The following SNAP25 variants were observed in gnomAD, a reference collection of about 807,000 sequenced individuals.
SNAP25 encodes synaptosome associated protein 25, also known as synaptosomal-associated protein 25.
SNAP25 carries 3 observed loss-of-function variants against 28.7 expected under a neutral mutation model. The ratio of observed to expected loss-of-function variants is 0.10; its 90% CI spans 0.05 to 0.27. The LOEUF is 0.27. Ranked by LOEUF, SNAP25 falls within the 10% of genes least tolerant of loss-of-function variation. The pLI, the probability that SNAP25 is intolerant of heterozygous loss-of-function variation, is 1.00. For missense variants in SNAP25, 117 were observed against 278.7 expected, an observed-to-expected ratio of 0.42 and a Z score of 4.13; for synonymous variants, 61 against 88.1, an observed-to-expected ratio of 0.69 and a Z score of 1.72.
chr20:10,221,541 C>T (rs1043882452), intron 1 of SNAP25, among the ~76,000 whole-genome samples: 1 of 152,108 alleles, frequency 6.6e-6, no homozygotes, highest in Admixed American at 6.5e-5. Flanking sequence ...CACACAGACC[C>T]TCTGATGCCT....
chr20:10,294,874 C>T (rs2064076634), intron 5 of SNAP25, among the ~76,000 whole-genome samples: 1 of 152,050 alleles, frequency 6.6e-6, no homozygotes, highest in Non-Finnish European at 1.5e-5. Flanking sequence ...CAACTTGCCC[C>T]CAGGTGAGAT....
At chr20:10,256,207 C>T (rs1456517239) in intron 1 of SNAP25, among the ~76,000 whole-genome samples, 3 of 152,162 alleles carry the variant, frequency 2.0e-5, no homozygotes, top group Non-Finnish European at 4.4e-5. Context: ...TGTACTTAAA[C>T]TAGTTTGTTA....
chr20:10,253,101 A>G (rs565238548), intron 1 of SNAP25, among the ~76,000 whole-genome samples: 107 of 152,306 alleles, frequency 7.0e-4, no homozygotes, highest in Non-Finnish European at 1.3e-3. Context: ...TGAATGAGAG[A>G]CGATGAGACA....
intron 3 of SNAP25, among the ~76,000 whole-genome samples, chr20:10,282,627 C>T (rs2063801526): frequency 6.6e-6 from 1 of 152,158 alleles, no homozygotes; most frequent in Non-Finnish European, 1.5e-5. Context: ...GCTGGACTGA[C>T]CAAACTAAAA....
At position 10,219,256 on chromosome 20, in the gene SNAP25, G is replaced by C. The variant is rs186959762; in HGVS notation, c.-64+279G>C. On this transcript the variant is annotated intron_variant, in intron 1 of 7. Transcript: ENST00000254976. ...ACTTACTCTTTTGAAACAGTAGTGG[G>C]ACCCCCTCTTTCTTCCATTTTGCGA... 4 of 152,342 alleles carry C rather than the reference G, an allele frequency of 2.6e-5. No individual in the cohort carries two copies. In the East Asian group the frequency reaches 7.7e-4, roughly 29 times the overall value. The allele number at this position is 152,342 out of a possible 1,614,324, so 9.4% of individuals were successfully genotyped here.
At chr20:10,283,328 G>A (rs1463412269) in intron 3 of SNAP25, among the ~76,000 whole-genome samples, 2 of 152,202 alleles carry the variant, frequency 1.3e-5, no homozygotes, top group Admixed American at 6.5e-5. Flanking sequence ...AGAACAGTCA[G>A]GACACTTGCC....
intron 1 of SNAP25, among the ~76,000 whole-genome samples, chr20:10,248,441 C>T (rs2063167782): frequency 6.6e-6 from 1 of 152,104 alleles, no homozygotes; most frequent in South Asian, 2.1e-4. Context: ...ATCTCATGTG[C>T]AGAGGCAATA....
At chr20:10,232,484 G>T (rs928955532) in intron 1 of SNAP25, among the ~76,000 whole-genome samples, 1 of 152,174 alleles carries the variant, frequency 6.6e-6, no homozygotes, top group African/African-American at 2.4e-5. Context: ...CTGCTGCTTT[G>T]GAAGAATAAA....
At chr20:10,282,071 G>A (rs2063786409) in intron 3 of SNAP25, among the ~76,000 whole-genome samples, 1 of 151,978 alleles carries the variant, frequency 6.6e-6, no homozygotes. Flanking sequence ...CATTTGAGAG[G>A]TCATGCATTT....
At chr20:10,283,062 G>A (rs1343537972) in intron 3 of SNAP25, among the ~76,000 whole-genome samples, 1 of 152,182 alleles carries the variant, frequency 6.6e-6, no homozygotes, top group Non-Finnish European at 1.5e-5. Context: ...TGATTCATGT[G>A]CAGAGGATTC....
chr20:10,229,385 CA>C (rs1241167120), intron 1 of SNAP25, among the ~76,000 whole-genome samples: 1 of 152,052 alleles, frequency 6.6e-6, no homozygotes, highest in Non-Finnish European at 1.5e-5. Flanking sequence ...GCCTTGAATA[CA>C]AAATTCCTAC....
chr20:10,222,020 T>C (rs2122595382), intron 1 of SNAP25, among the ~76,000 whole-genome samples: 1 of 152,366 alleles, frequency 6.6e-6, no homozygotes, highest in South Asian at 2.1e-4. Context: ...AGGAAAAATC[T>C]GTGTTTTAAG....
chr20:10,285,391 C>A (rs141701640), intron 4 of SNAP25, among the ~76,000 whole-genome samples: 1 of 152,102 alleles, frequency 6.6e-6, no homozygotes, highest in Non-Finnish European at 1.5e-5. Flanking sequence ...ATCTCTATAC[C>A]TAACATGGAA....
chr20:10,238,133 C>T (rs1196026581), intron 1 of SNAP25, among the ~76,000 whole-genome samples: 1 of 152,184 alleles, frequency 6.6e-6, no homozygotes, highest in African/African-American at 2.4e-5. Flanking sequence ...TAAACACTCT[C>T]CAACTCATAC....
intron 4 of SNAP25, among the ~76,000 whole-genome samples, chr20:10,288,324 G>A (rs2063926285): frequency 6.6e-6 from 1 of 151,976 alleles, no homozygotes. Context: ...TTAGAATAGA[G>A]CCTTTTCCCC....
chr20:10,272,652 C>A (rs2063615810), intron 1 of SNAP25, among the ~76,000 whole-genome samples: 1 of 152,314 alleles, frequency 6.6e-6, no homozygotes, highest in African/African-American at 2.4e-5. Flanking sequence ...ATCTCTACAT[C>A]ATCTCACGAG....
chr20:10,260,255 G>C (rs548871259), intron 1 of SNAP25, among the ~76,000 whole-genome samples: 7 of 152,052 alleles, frequency 4.6e-5, no homozygotes, highest in Non-Finnish European at 8.8e-5. Context: ...TATATTTAAG[G>C]AAAACAAGCC....
intron 7 of SNAP25, among the ~76,000 whole-genome samples, chr20:10,300,416 C>T (rs535299306): frequency 6.6e-6 from 1 of 152,128 alleles, no homozygotes; most frequent in African/African-American, 2.4e-5. Context: ...ATAGATTTAA[C>T]GATAATTGTA....
intron 7 of SNAP25, among the ~76,000 whole-genome samples, chr20:10,301,919 A>AT (rs1491377417): frequency 4.2e-4 from 62 of 147,566 alleles, no homozygotes; most frequent in African/African-American, 1.4e-3. Flanking sequence ...ATATATATAT[A>AT]AAAACCATAT....
Sources: gnomAD v4.1 joint callset for allele counts (sites outside exome capture counted in the v4.1 genomes callset) on GRCh38, gnomAD v4.1.1 for gene constraint, MANE v1.5 for transcripts, NCBI Gene and HGNC (gene_info 2026-07-23, HGNC 2026-07-21) for gene names.